Variants in NBR1 observed in about 807,000 individuals in gnomAD.
NBR1 encodes next to BRCA1 gene 1 protein.
NBR1 carries 59 observed loss-of-function variants against 115.5 expected under a neutral mutation model. That is an observed-to-expected ratio of 0.51 (90% CI 0.41 to 0.63). NBR1 has a LOEUF of 0.63. Among genes scored for constraint, NBR1 ranks in the 30% least tolerant of loss-of-function variants. The pLI, the probability that NBR1 is intolerant of heterozygous loss-of-function variation, is 0.00. For missense variants in NBR1, 1,043 were observed against 1,150.5 expected (o/e 0.91, Z 1.35); for synonymous variants, 373 against 414.7 (o/e 0.90, Z 1.22).
In NBR1 at chr17:43,200,371, G is replaced by A. The variant is rs749173455; in HGVS notation, c.2231G>A (p.Arg744His). The change falls in exon 17 of 21, where the codon CGC becomes CAC. Residue 744 changes from arginine to histidine, a missense_variant. Arg to His is a conservative substitution (Grantham distance 29, BLOSUM62 0). Coordinates refer to ENST00000590996, the MANE Select transcript of NBR1 (RefSeq NM_005899.5). The part of the protein sequence containing the change: ...IILPECFDTS[R>H]PLGDSMYSSA... ...CTGCCTGAGTGCTTTGATACCAGCC[G>A]CCCCCTGGGGGATTCTATGTACAGC... 1.7e-5 allele frequency: 27 copies of A among 1,569,582 alleles called. No individual in the cohort carries two copies. The highest frequency in any genetic ancestry group is 5.7e-5 in the Admixed American group (3 of 52,292).
At chr17:43,184,986 G>A (rs1597978197) in intron 5 of NBR1, among the ~76,000 whole-genome samples, 1 of 152,010 alleles carries the variant, frequency 6.6e-6, no homozygotes, top group East Asian at 2.0e-4. Context: ...CTACTCGGGA[G>A]GCTGAGGCAG....
intron 10 of NBR1, among the ~76,000 whole-genome samples, chr17:43,191,851 G>A (rs1364207508): frequency 2.6e-5 from 4 of 151,790 alleles, no homozygotes; most frequent in African/African-American, 9.7e-5. Flanking sequence ...CTCCTGAGTA[G>A]CTGGGACTAC....
chr17:43,178,379 C>CTTT, intron 3 of NBR1, among the ~76,000 whole-genome samples: 1 of 121,674 alleles, frequency 8.2e-6, no homozygotes, highest in South Asian at 2.9e-4. Flanking sequence ...TTTTTTTTTT[C>CTTT]TTTTTTTTTT....
rs1373633161 is a variant in NBR1, at chr17:43,177,921, G to C, written c.103-15G>C. On this transcript the variant is annotated splice_polypyrimidine_tract_variant and intron_variant, in intron 2 of 20. Transcript: ENST00000590996. ...TACATTATAACCTGCCTTTAAATAT[G>C]TATCTCTTTTATAGGTAAAAGTTTC... is the stretch of plus-strand genomic sequence containing the variant. The C allele has an allele frequency of 1.3e-6, 2 of 1,493,526 alleles. No individual in the cohort carries two copies. The highest frequency in any genetic ancestry group is 4.7e-5 in the East Asian group (2 of 42,736). 92.5% of individuals were successfully genotyped at this position (1,493,526 alleles called of 1,614,324 possible).
intron 5 of NBR1, among the ~76,000 whole-genome samples, chr17:43,181,208 C>T (rs2056655422): frequency 6.6e-6 from 1 of 152,146 alleles, no homozygotes. Context: ...ACCTGAATTC[C>T]ATTAGTTATG....
intron 2 of NBR1, chr17:43,176,384 C>T (rs1387862626): frequency 6.6e-6 from 1 of 152,500 alleles, no homozygotes; most frequent in Non-Finnish European, 1.5e-5. Context: ...GACAGCAGTT[C>T]ACCTGTTCCG....
At chr17:43,192,808 C>T (rs908578988) in intron 10 of NBR1, among the ~76,000 whole-genome samples, 4 of 152,140 alleles carry the variant, frequency 2.6e-5, no homozygotes, top group Non-Finnish European at 5.9e-5. Context: ...GTGTTAAAAG[C>T]CTGACTCTCT....
chr17:43,182,591 A>C lies in NBR1; in HGVS notation c.207+1774A>C, dbSNP rs2056698987. ...CAGAGATGACAGCCACTTTTTGGAC[A>C]TGGAATGCTTTTTTTTTTGTTTTTA... On this transcript the variant is annotated intron_variant, in intron 5 of 20. Transcript: ENST00000590996. Among the ~76,000 whole-genome samples, 2 of 150,716 alleles carry C rather than the reference A, an allele frequency of 1.3e-5. 1 individual carries two copies. Among genetic ancestry groups the C allele is most frequent in the South Asian group, 4.2e-4 (2 of 4,808 alleles).
intron 3 of NBR1, 146 bp downstream of exon 3, chr17:43,178,144 A>G (rs887311060): frequency 5.0e-6 from 5 of 992,448 alleles, no homozygotes; most frequent in Non-Finnish European, 7.3e-6. Context: ...TTCTAAGAAG[A>G]CTTGCAGCAT....
In NBR1 at chr17:43,184,970, T is replaced by G. The variant is rs1039941840; in HGVS notation, c.208-1280T>G. Among the ~76,000 whole-genome samples the G allele has an allele frequency of 3.3e-5, 5 of 151,688 alleles. No individual in the cohort carries two copies. In the East Asian group the frequency reaches 9.8e-4, roughly 30 times the overall value. On this transcript the variant is annotated intron_variant, in intron 5 of 20. Coordinates refer to ENST00000590996, the MANE Select transcript of NBR1 (RefSeq NM_005899.5). ...TGGGTGTGGTGGCGTGCGCCTATAGTCCCAGCTACTCGGGAGGCTGAGGCA... is the reference window on the plus strand; with the variant it reads ...TGGGTGTGGTGGCGTGCGCCTATAGGCCCAGCTACTCGGGAGGCTGAGGCA...
intron 5 of NBR1, among the ~76,000 whole-genome samples, chr17:43,181,165 T>C (rs2056654229): frequency 6.6e-6 from 1 of 152,208 alleles, no homozygotes; most frequent in Non-Finnish European, 1.5e-5. Flanking sequence ...AGCCACTGCG[T>C]CTGGCCTAAA....
intron 16 of NBR1, 27 bp from the exon 17 acceptor site, chr17:43,200,140 T>G: frequency 6.6e-7 from 1 of 1,520,176 alleles, no homozygotes; most frequent in Non-Finnish European, 8.9e-7. Context: ...AGCTTCCACC[T>G]TAAAATTGGT....
intron 20 of NBR1, among the ~76,000 whole-genome samples, chr17:43,205,390 A>G (rs917265317): frequency 1.3e-5 from 2 of 152,188 alleles, no homozygotes; most frequent in Non-Finnish European, 2.9e-5. Flanking sequence ...GCTATCAGAC[A>G]GATGAAACAC....
intron 16 of NBR1, among the ~76,000 whole-genome samples, chr17:43,198,959 T>C (rs577995723): frequency 1.3e-5 from 2 of 152,198 alleles, no homozygotes; most frequent in East Asian, 3.9e-4. Flanking sequence ...TGAGACTCCA[T>C]CTCAAATCAA....
chr17:43,188,904 C>T lies in NBR1; in HGVS notation c.403-138C>T, dbSNP rs548836865. ...CTAGAGACTTTGTTTTCCTTTAGTACGCCTTCATACTGTGACTTTTTAAAA... is the reference window on the plus strand; with the variant it reads ...CTAGAGACTTTGTTTTCCTTTAGTATGCCTTCATACTGTGACTTTTTAAAA... On this transcript the variant is annotated intron_variant, in intron 6 of 20. Coordinates refer to ENST00000590996, the MANE Select transcript of NBR1 (RefSeq NM_005899.5). 47 of 592,842 alleles carry T rather than the reference C, an allele frequency of 7.9e-5. No homozygotes were observed. In the Admixed American group the frequency reaches 8.4e-4, roughly 11 times the overall value. 36.7% of individuals were successfully genotyped at this position (592,842 alleles called of 1,614,324 possible).
intron 2 of NBR1, among the ~76,000 whole-genome samples, chr17:43,177,299 G>GT (rs560292007): frequency 7.2e-4 from 99 of 137,008 alleles, no homozygotes; most frequent in Admixed American, 9.0e-4. Context: ...GATATTTTTC[G>GT]TTTTTTTTTT....
chr17:43,177,620 C>CACACACACACACACACACACAG (rs1330894405), intron 2 of NBR1, among the ~76,000 whole-genome samples: 4 of 141,570 alleles, frequency 2.8e-5, no homozygotes, highest in African/African-American at 1.0e-4. Context: ...CACACACACA[C>CACACACACACACACACACACAG]AGTTTGGTAT....
Position 43,189,728 on chromosome 17 carries a change from A to G in NBR1, c.621A>G (p.Pro207=), listed in dbSNP as rs920354202. 5 of 1,614,038 alleles carry G rather than the reference A, an allele frequency of 3.1e-6. No individual in the cohort carries two copies. The highest frequency in any genetic ancestry group is 4.2e-6 in the Non-Finnish European group (5 of 1,179,894). ...MPTSEETLFL[P]ENQFSWHIAC... The stretch of plus-strand genomic sequence containing the variant: ...CTTCAGAAGAAACATTGTTTTTGCC[A>G]GAAAACCAGTTCAGCTGGCATATTG... Residue 207 remains proline, a synonymous_variant, in exon 8 of 21, where the codon CCA becomes CCG. Coordinates refer to ENST00000590996, the MANE Select transcript of NBR1 (RefSeq NM_005899.5).
chr17:43,187,571 T>G (rs1173772963), intron 6 of NBR1, among the ~76,000 whole-genome samples: 2 of 135,046 alleles, frequency 1.5e-5, no homozygotes, highest in African/African-American at 5.6e-5. Flanking sequence ...TACAGTGGCG[T>G]GATCTTGGCT....
Sources: gnomAD v4.1 joint callset for allele counts (sites outside exome capture counted in the v4.1 genomes callset) on GRCh38, gnomAD v4.1.1 for gene constraint, MANE v1.5 for transcripts, NCBI Gene and HGNC (gene_info 2026-07-23, HGNC 2026-07-21) for gene names.